ROBO1: variants seen among roughly 807,000 people sequenced by gnomAD.
The protein encoded by ROBO1 is roundabout homolog 1.
In ROBO1, 149 loss-of-function variants were observed where a neutral mutation model predicts 195.9. The ratio of observed to expected loss-of-function variants is 0.76; its 90% CI spans 0.67 to 0.87. The LOEUF is 0.87. Ranked by LOEUF, ROBO1 falls within the 40% of genes least tolerant of loss-of-function variation. The pLI is 0.00. For missense variants in ROBO1, 1,933 were observed against 2,068.3 expected (o/e 0.93, Z 1.27); for synonymous variants, 816 against 733.2 (o/e 1.11, Z -1.82).
At chr3:79,382,149 A>C (rs1466701711) in intron 2 of ROBO1, among the ~76,000 whole-genome samples, 4 of 152,184 alleles carry the variant, frequency 2.6e-5, no homozygotes, top group Non-Finnish European at 4.4e-5. Flanking sequence ...TAGCATTTTG[A>C]ATGACACTAT....
At chr3:79,206,261 A>T (rs2081864263) in intron 2 of ROBO1, among the ~76,000 whole-genome samples, 1 of 152,154 alleles carries the variant, frequency 6.6e-6, no homozygotes, top group South Asian at 2.1e-4. Context: ...CTTGTTTTCA[A>T]GTAATCATTA....
At chr3:79,391,027 G>A (rs2036929476) in intron 2 of ROBO1, among the ~76,000 whole-genome samples, 1 of 151,746 alleles carries the variant, frequency 6.6e-6, no homozygotes, top group South Asian at 2.1e-4. Flanking sequence ...AAGGATGGTG[G>A]CTCATGCCTG....
chr3:79,093,496 C>T (rs758230089), intron 3 of ROBO1, among the ~76,000 whole-genome samples: 2 of 151,998 alleles, frequency 1.3e-5, no homozygotes, highest in African/African-American at 4.8e-5. Flanking sequence ...ATTGACAGTA[C>T]ATGACGAAAA....
chr3:78,742,700 T>C lies in ROBO1; in HGVS notation c.657+4043A>G, dbSNP rs187445565. Among the ~76,000 whole-genome samples, 750 of 152,312 alleles carry C rather than the reference T, an allele frequency of 4.9e-3. 7 individuals carry two copies. Among genetic ancestry groups the C allele is most frequent in the African/African-American group, 0.017 (711 of 41,584 alleles). ...CTTCCTAGCATATGGAACACCATCA[T>C]GGATCATCATTTTGGCAGCATGTAA... On this transcript the variant is annotated intron_variant, in intron 5 of 30. Coordinates refer to ENST00000464233, the MANE Select transcript of ROBO1 (RefSeq NM_002941.4).
chr3:78,681,922 C>A (rs974238589), intron 10 of ROBO1, among the ~76,000 whole-genome samples: 8 of 152,150 alleles, frequency 5.3e-5, no homozygotes, highest in African/African-American at 1.9e-4. Flanking sequence ...GCATGGCAAG[C>A]ACAATGATTA....
chr3:79,319,584 T>C (rs1164493969), intron 2 of ROBO1, among the ~76,000 whole-genome samples: 1 of 152,128 alleles, frequency 6.6e-6, no homozygotes, highest in African/African-American at 2.4e-5. Flanking sequence ...ATTATCTTAA[T>C]GTTTATTTCT....
chr3:79,554,556 A>G (rs1942632634), intron 2 of ROBO1, among the ~76,000 whole-genome samples: 1 of 152,110 alleles, frequency 6.6e-6, no homozygotes, highest in Admixed American at 6.6e-5. Context: ...ACAGAAGGCT[A>G]TGATCCATAT....
chr3:78,804,099 G>A (rs187621412), intron 4 of ROBO1, among the ~76,000 whole-genome samples: 21 of 152,188 alleles, frequency 1.4e-4, no homozygotes, highest in East Asian at 1.2e-3. Context: ...ACAAATCTCC[G>A]CTCATCAGCA....
At chr3:79,726,088 A>G (rs1489129756) in intron 1 of ROBO1, among the ~76,000 whole-genome samples, 1 of 152,196 alleles carries the variant, frequency 6.6e-6, no homozygotes, top group Admixed American at 6.5e-5. Context: ...AGGACACAAA[A>G]TGTAATGTGA....
At chr3:78,813,991 G>A (rs2084823773) in intron 4 of ROBO1, among the ~76,000 whole-genome samples, 1 of 151,838 alleles carries the variant, frequency 6.6e-6, no homozygotes, top group African/African-American at 2.4e-5. Context: ...AGTCTCATTA[G>A]CTTACCATGC....
At chr3:79,436,602 C>G (rs1321623217) in intron 2 of ROBO1, among the ~76,000 whole-genome samples, 1 of 152,092 alleles carries the variant, frequency 6.6e-6, no homozygotes, top group Admixed American at 6.6e-5. Context: ...TTCTCACTTA[C>G]ATATGGGCTT....
At chr3:79,456,884 G>A (rs2039634955) in intron 2 of ROBO1, among the ~76,000 whole-genome samples, 1 of 151,914 alleles carries the variant, frequency 6.6e-6, no homozygotes, top group Non-Finnish European at 1.5e-5. Context: ...ATTTCTCCAG[G>A]AAAGGTCTTG....
At chr3:79,647,014 G>A (rs868599711) in intron 1 of ROBO1, among the ~76,000 whole-genome samples, 1 of 151,874 alleles carries the variant, frequency 6.6e-6, no homozygotes, top group Admixed American at 6.6e-5. Context: ...GTGACTATAG[G>A]TTACAATCAT....
At chr3:78,617,418 A>T (rs999384775) in intron 27 of ROBO1, among the ~76,000 whole-genome samples, 3 of 152,126 alleles carry the variant, frequency 2.0e-5, no homozygotes, top group African/African-American at 7.2e-5. Flanking sequence ...TTAAATAAAA[A>T]CTAAATAGAA....
At chr3:79,628,558 C>G (rs548205725) in intron 1 of ROBO1, among the ~76,000 whole-genome samples, 13 of 152,186 alleles carry the variant, frequency 8.5e-5, no homozygotes, top group African/African-American at 2.9e-4. Context: ...ACAGGTATAC[C>G]TATGTAACAA....
chr3:78,738,439 TCTC>T (rs567551964), intron 5 of ROBO1, among the ~76,000 whole-genome samples: 2 of 152,334 alleles, frequency 1.3e-5, no homozygotes, highest in East Asian at 1.9e-4. Flanking sequence ...ACTAAATTGT[TCTC>T]CTATCTTCAT....
chr3:78,662,230 CAGG>C, intron 14 of ROBO1, 116 bp from the exon 15 acceptor site: 1 of 860,516 alleles, frequency 1.2e-6, no homozygotes, highest in South Asian at 2.6e-5. Flanking sequence ...GAGTCCAAGC[CAGG>C]CTGTGATTCG....
At chr3:79,597,273 C>A (rs532283639) in intron 1 of ROBO1, among the ~76,000 whole-genome samples, 1 of 151,914 alleles carries the variant, frequency 6.6e-6, no homozygotes. Flanking sequence ...GCATTTCGTG[C>A]TTTTCACTTG....
At chr3:79,702,498 A>G (rs72899803) in intron 1 of ROBO1, among the ~76,000 whole-genome samples, 2,083 of 152,058 alleles carry the variant, frequency 0.014, 41 homozygotes, top group African/African-American at 0.047. Context: ...CCCTCAGTTC[A>G]CAACAGCATA....
Sources: gnomAD v4.1 joint callset for allele counts (sites outside exome capture counted in the v4.1 genomes callset) on GRCh38, gnomAD v4.1.1 for gene constraint, MANE v1.5 for transcripts, NCBI Gene and HGNC (gene_info 2026-07-23, HGNC 2026-07-21) for gene names.